Variants in OXR1 observed in about 807,000 individuals in gnomAD.
OXR1 encodes oxidation resistance 1.
In OXR1, 41 loss-of-function variants were observed where a neutral mutation model predicts 104.6. The observed-to-expected ratio is 0.39, with a 90% confidence interval of 0.31 to 0.51. The LOEUF is 0.51. Ranked by LOEUF, OXR1 falls within the 20% of genes least tolerant of loss-of-function variation. The probability of loss-of-function intolerance (pLI) is 0.77; values close to 1 mark genes in which losing one functional copy is unlikely to be tolerated. For synonymous variants in OXR1, 348 were observed against 348.4 expected, an observed-to-expected ratio of 1.00 and a Z score of 0.01; for missense variants, 955 against 1,031.9, an observed-to-expected ratio of 0.93 and a Z score of 1.02.
intron 2 of OXR1, among the ~76,000 whole-genome samples, chr8:106,484,574 A>G (rs1227533038): frequency 6.6e-6 from 1 of 152,094 alleles, no homozygotes; most frequent in African/African-American, 2.4e-5. Flanking sequence ...AAGACGCTTC[A>G]TATCATATGT....
At chr8:106,307,488 C>T (rs537841608) in intron 1 of OXR1, among the ~76,000 whole-genome samples, 3 of 152,184 alleles carry the variant, frequency 2.0e-5, no homozygotes, top group South Asian at 4.1e-4. Flanking sequence ...GGGCTTTTTC[C>T]TATAATGTTT....
At chr8:106,495,322 A>G (rs1811344304) in intron 2 of OXR1, among the ~76,000 whole-genome samples, 1 of 152,186 alleles carries the variant, frequency 6.6e-6, no homozygotes, top group South Asian at 2.1e-4. Flanking sequence ...TTAGGAATGA[A>G]GAGCTAGAGC....
intron 3 of OXR1, among the ~76,000 whole-genome samples, chr8:106,655,777 C>T (rs1825005141): frequency 6.6e-6 from 1 of 152,110 alleles, no homozygotes. Context: ...ACGACTCAGC[C>T]GAGTTTAAAT....
intron 3 of OXR1, among the ~76,000 whole-genome samples, chr8:106,596,502 A>T (rs1210228745): frequency 1.3e-5 from 2 of 152,182 alleles, no homozygotes; most frequent in African/African-American, 4.8e-5. Flanking sequence ...ACAATCCAGT[A>T]CTAATAAATA....
intron 1 of OXR1, 112 bp downstream of exon 1, chr8:106,270,479 C>T (rs1483524593): frequency 1.3e-5 from 2 of 152,590 alleles, no homozygotes; most frequent in Non-Finnish European, 2.9e-5. Context: ...GGCCTCTGCC[C>T]CCTGTGCCTG....
chr8:106,274,606 C>CT (rs997657287), intron 1 of OXR1, among the ~76,000 whole-genome samples: 4 of 136,264 alleles, frequency 2.9e-5, no homozygotes, highest in Non-Finnish European at 6.5e-5. Flanking sequence ...CGCCACCCCC[C>CT]CCCCGACCCC....
chr8:106,577,938 A>C (rs1817973129), intron 3 of OXR1, among the ~76,000 whole-genome samples: 1 of 152,118 alleles, frequency 6.6e-6, no homozygotes, highest in South Asian at 2.1e-4. Context: ...TTCAGTTTGC[A>C]GTTTTTCTAA....
At chr8:106,595,985 C>T (rs184125268) in intron 3 of OXR1, among the ~76,000 whole-genome samples, 6 of 152,194 alleles carry the variant, frequency 3.9e-5, no homozygotes, top group Admixed American at 1.3e-4. Context: ...CTTCCTTCTC[C>T]TAATTTTGTA....
intron 2 of OXR1, among the ~76,000 whole-genome samples, chr8:106,420,539 C>T (rs1298399015): frequency 6.6e-6 from 1 of 151,802 alleles, no homozygotes; most frequent in Non-Finnish European, 1.5e-5. Context: ...TCTGTATACT[C>T]ATTAAGATAG....
intron 3 of OXR1, among the ~76,000 whole-genome samples, chr8:106,600,465 G>T (rs753962618): frequency 1.8e-3 from 278 of 152,234 alleles, no homozygotes; most frequent in Non-Finnish European, 3.1e-3. Flanking sequence ...AATTCCAGTT[G>T]CAAGAATTTT....
chr8:106,473,013 TGTAG>T, intron 2 of OXR1, among the ~76,000 whole-genome samples: 1 of 152,068 alleles, frequency 6.6e-6, no homozygotes, highest in East Asian at 1.9e-4. Context: ...ATTACTTGTA[TGTAG>T]TATAAAATCT....
At chr8:106,480,513 T>C (rs1822049577) in intron 2 of OXR1, among the ~76,000 whole-genome samples, 1 of 151,992 alleles carries the variant, frequency 6.6e-6, no homozygotes, top group African/African-American at 2.4e-5. Context: ...GGATATTGAG[T>C]GTTAAACTAT....
chr8:106,573,643 G>A, intron 3 of OXR1, among the ~76,000 whole-genome samples: 1 of 152,160 alleles, frequency 6.6e-6, no homozygotes, highest in East Asian at 1.9e-4. Flanking sequence ...GTATTATATT[G>A]CTGTGACTTC....
chr8:106,616,749 G>A (rs1821272984), intron 3 of OXR1, among the ~76,000 whole-genome samples: 1 of 152,090 alleles, frequency 6.6e-6, no homozygotes, highest in South Asian at 2.1e-4. Flanking sequence ...TTTTCTTCGT[G>A]ATCATTGTCA....
intron 3 of OXR1, among the ~76,000 whole-genome samples, chr8:106,645,572 T>A (rs1231923630): frequency 3.9e-5 from 6 of 152,198 alleles, no homozygotes; most frequent in Non-Finnish European, 1.5e-5. Context: ...GACCAGTGCA[T>A]GATTCTGCTT....
In OXR1 at chr8:106,344,633, G is replaced by A. The variant is rs187805709; in HGVS notation, c.-138-14843G>A. On this transcript the variant is annotated intron_variant, in intron 1 of 16. Transcript: ENST00000517566. ...ATTACAGGCATGAGCCACTGCGCCC[G>A]GCCAATTTTTTTAAACTTCTACTTG... Among the ~76,000 whole-genome samples the A allele has an allele frequency of 3.9e-5, 6 of 152,200 alleles. No homozygotes were observed. In the East Asian group the frequency reaches 7.7e-4, roughly 20 times the overall value.
intron 1 of OXR1, among the ~76,000 whole-genome samples, chr8:106,310,433 A>G (rs1309118976): frequency 3.3e-5 from 5 of 151,992 alleles, no homozygotes; most frequent in African/African-American, 1.2e-4. Flanking sequence ...CTGCTGCGCC[A>G]CTGTCATGCA....
intron 1 of OXR1, among the ~76,000 whole-genome samples, chr8:106,349,636 A>G (rs1815640909): frequency 6.6e-6 from 1 of 152,230 alleles, no homozygotes; most frequent in Non-Finnish European, 1.5e-5. Context: ...CATTAGATAG[A>G]ACTTTGAACA....
intron 2 of OXR1, among the ~76,000 whole-genome samples, chr8:106,476,169 A>C (rs1413552170): frequency 1.3e-5 from 2 of 151,828 alleles, no homozygotes; most frequent in African/African-American, 4.8e-5. Flanking sequence ...AAAGGTCCTT[A>C]TGACCTTCTG....
Sources: gnomAD v4.1 joint callset for allele counts (sites outside exome capture counted in the v4.1 genomes callset) on GRCh38, gnomAD v4.1.1 for gene constraint, MANE v1.5 for transcripts, NCBI Gene and HGNC (gene_info 2026-07-23, HGNC 2026-07-21) for gene names.